ANO4: variants seen among roughly 807,000 people sequenced by gnomAD.
ANO4 encodes the protein anoctamin-4.
ANO4 carries 69 observed loss-of-function variants against 141.9 expected under a neutral mutation model. That is an observed-to-expected ratio of 0.49 (90% CI 0.40 to 0.59). The LOEUF (loss-of-function observed/expected upper bound fraction) is 0.59, where lower values mean the gene tolerates loss of function less well. ANO4 is among the 20% of genes least tolerant of loss of function. ANO4 has a pLI of 0.00. For missense variants in ANO4, 894 were observed against 1,162.2 expected (o/e 0.77, Z 3.36); for synonymous variants, 350 against 394.3 (o/e 0.89, Z 1.33).
intron 3 of ANO4, among the ~76,000 whole-genome samples, chr12:100,776,845 C>G (rs2033523457): frequency 6.6e-6 from 1 of 152,138 alleles, no homozygotes; most frequent in Admixed American, 6.5e-5. Context: ...CTTTGGATGA[C>G]TGGCTGGGGA....
intron 5 of ANO4, among the ~76,000 whole-genome samples, chr12:100,965,093 T>C (rs2043593663): frequency 6.6e-6 from 1 of 152,128 alleles, no homozygotes; most frequent in East Asian, 1.9e-4. Flanking sequence ...GTTCACACAA[T>C]GGGATTCATG....
chr12:100,958,237 C>T (rs1034302273), intron 5 of ANO4, among the ~76,000 whole-genome samples: 2 of 152,182 alleles, frequency 1.3e-5, no homozygotes, highest in Non-Finnish European at 1.5e-5. Flanking sequence ...ACATCATGAC[C>T]GCAGTCTCAC....
chr12:100,886,860 A>G (rs1296925669), intron 1 of ANO4, among the ~76,000 whole-genome samples: 1 of 152,194 alleles, frequency 6.6e-6, no homozygotes, highest in Non-Finnish European at 1.5e-5. Context: ...CAGAGATTAC[A>G]TAGTCTACCT....
chr12:100,958,133 G>T (rs1208470527), intron 5 of ANO4, among the ~76,000 whole-genome samples: 1 of 152,144 alleles, frequency 6.6e-6, no homozygotes, highest in Non-Finnish European at 1.5e-5. Context: ...TATTTGCCGG[G>T]CAAAGCCCCG....
chr12:100,964,120 T>C, intron 5 of ANO4, among the ~76,000 whole-genome samples: 1 of 152,134 alleles, frequency 6.6e-6, no homozygotes, highest in East Asian at 1.9e-4. Context: ...GACTGTAATA[T>C]ATAATTAAGC....
chr12:101,071,575 G>T (rs1397748826), intron 14 of ANO4, among the ~76,000 whole-genome samples: 2 of 151,740 alleles, frequency 1.3e-5, no homozygotes, highest in Non-Finnish European at 2.9e-5. Flanking sequence ...GAAGAGGAGG[G>T]GGGATGGTTA....
rs1364245039 is a variant in ANO4 at position 100,971,373 on chromosome 12, A to G, written c.524A>G (p.Tyr175Cys). The G allele has an allele frequency of 6.2e-7, 1 of 1,609,956 alleles. No individual in the cohort carries two copies. The highest frequency in any genetic ancestry group is 1.7e-5 in the Admixed American group (1 of 59,974). ...GCCCCATGGGAAGTCCTTGGAAGATATGCAGAACAAATGAATGTAAGAATG... is the reference window on the plus strand; with the variant it reads ...GCCCCATGGGAAGTCCTTGGAAGATGTGCAGAACAAATGAATGTAAGAATG... ...LHAPWEVLGRYAEQMNVRMPF... is the reference protein window; with the variant it reads ...LHAPWEVLGRCAEQMNVRMPF... Residue 175 changes from tyrosine to cysteine, a missense_variant, in exon 6 of 28, where the codon TAT becomes TGT. Coordinates refer to ENST00000392977, the MANE Select transcript of ANO4 (RefSeq NM_001286615.2).
chr12:100,975,005 C>A, intron 7 of ANO4, 116 bp downstream of exon 7: 1 of 1,195,194 alleles, frequency 8.4e-7, no homozygotes, highest in Non-Finnish European at 1.2e-6. Flanking sequence ...GGAAAGTTGG[C>A]TGCCATGCAC....
chr12:100,761,938 G>A (rs752094067), intron 3 of ANO4, among the ~76,000 whole-genome samples: 20 of 152,010 alleles, frequency 1.3e-4, no homozygotes, highest in Admixed American at 1.3e-4. Context: ...TCTGCTTCTG[G>A]GTTTTTCCTT....
intron 3 of ANO4, among the ~76,000 whole-genome samples, chr12:100,787,343 CCAGGACCCT>C (rs2033906023): frequency 2.6e-5 from 4 of 152,100 alleles, no homozygotes; most frequent in Non-Finnish European, 5.9e-5. Context: ...AAAGCCTGTG[CCAGGACCCT>C]GAAGTTTTCA....
At chr12:100,826,045 A>G (rs968303297) in intron 1 of ANO4, among the ~76,000 whole-genome samples, 10 of 152,080 alleles carry the variant, frequency 6.6e-5, no homozygotes, top group African/African-American at 2.4e-4. Context: ...GTAATTATTT[A>G]TAACTCAGCC....
chr12:100,964,344 C>T (rs762006561), intron 5 of ANO4, among the ~76,000 whole-genome samples: 1 of 152,006 alleles, frequency 6.6e-6, no homozygotes, highest in African/African-American at 2.4e-5. Flanking sequence ...ATAATAATAC[C>T]GGGGTTGCTG....
intron 1 of ANO4, among the ~76,000 whole-genome samples, chr12:100,849,883 A>G (rs970279542): frequency 6.6e-6 from 1 of 152,012 alleles, no homozygotes; most frequent in African/African-American, 2.4e-5. Context: ...CTCCGGATCA[A>G]TTGTTCTGTT....
chr12:101,032,031 C>A (rs900431128), intron 9 of ANO4, among the ~76,000 whole-genome samples: 1 of 152,182 alleles, frequency 6.6e-6, no homozygotes, highest in African/African-American at 2.4e-5. Context: ...AGATTCAATG[C>A]TATTCCCATC....
At chr12:100,966,705 T>G (rs1366680918) in intron 5 of ANO4, among the ~76,000 whole-genome samples, 2 of 152,030 alleles carry the variant, frequency 1.3e-5, no homozygotes, top group African/African-American at 4.8e-5. Context: ...CCAAACCTGG[T>G]CTGTCTCTAT....
At chr12:100,888,198 T>C (rs1351309308) in intron 1 of ANO4, among the ~76,000 whole-genome samples, 2 of 152,220 alleles carry the variant, frequency 1.3e-5, no homozygotes, top group Admixed American at 6.5e-5. Flanking sequence ...GTTTTCAGTA[T>C]GTTCCAGTTG....
chr12:100,895,840 G>A (rs2040323334), intron 1 of ANO4, among the ~76,000 whole-genome samples: 1 of 151,976 alleles, frequency 6.6e-6, no homozygotes, highest in South Asian at 2.1e-4. Context: ...GGGATTATAG[G>A]TGTGAGCCAC....
chr12:100,786,695 A>G (rs932935522), intron 3 of ANO4, among the ~76,000 whole-genome samples: 2 of 152,202 alleles, frequency 1.3e-5, no homozygotes, highest in African/African-American at 4.8e-5. Context: ...AGGTGCCTCA[A>G]TTACTTGGGT....
intron 1 of ANO4, among the ~76,000 whole-genome samples, chr12:100,725,504 G>A (rs1216726959): frequency 1.3e-5 from 2 of 151,828 alleles, no homozygotes; most frequent in Non-Finnish European, 2.9e-5. Flanking sequence ...CCACCACCAC[G>A]CCCGGCTAAT....
Sources: allele counts gnomAD v4.1 joint callset (sites outside exome capture counted in the v4.1 genomes callset), GRCh38; gene constraint gnomAD v4.1.1; transcripts MANE v1.5; gene names NCBI Gene and HGNC (gene_info 2026-07-23, HGNC 2026-07-21).